RDH11: variants seen among roughly 807,000 people sequenced by gnomAD.
The protein encoded by RDH11 is HCV core-binding protein HCBP12.
In RDH11, 19 loss-of-function variants were observed where a neutral mutation model predicts 33.4. The ratio of observed to expected loss-of-function variants is 0.57; its 90% confidence interval spans 0.40 to 0.83. The LOEUF is 0.83. Ranked by LOEUF, RDH11 falls within the 40% of genes least tolerant of loss-of-function variation. The probability of loss-of-function intolerance (pLI) is 0.00; values close to 1 mark genes in which losing one functional copy is unlikely to be tolerated. For missense variants in RDH11, 353 were observed against 389.0 expected (o/e 0.91, Z 0.78); for synonymous variants, 154 against 155.3 (o/e 0.99, Z 0.06).
chr14:67,676,874 TTTTA>T lies in RDH11; in HGVS notation c.*1443_*1446del, dbSNP rs896846724. The T allele has an allele frequency of 6.6e-5, 10 of 152,352 alleles. No individual in the cohort carries two copies. Among genetic ancestry groups the T allele is most frequent in the Non-Finnish European group, 1.0e-4 (7 of 68,036 alleles). The allele number at this position is 152,352 out of a possible 1,614,324, so 9.4% of individuals were successfully genotyped here. A position where few individuals can be genotyped will look rare whatever the true frequency, so the allele number is the denominator to read the frequency against. ...AAAACAAAAAATAATCAAAAAGAAT[TTTTA>T]TTTGTCATTGACAGTTCAATATAAA... On this transcript the variant is annotated 3_prime_UTR_variant, in exon 7 of 7. Transcript: ENST00000381346.
In RDH11 at chr14:67,690,264, G is replaced by C; in HGVS notation, c.612C>G (p.His204Gln). The C allele has an allele frequency of 6.2e-7, 1 of 1,614,096 alleles. No homozygotes were observed. Among genetic ancestry groups the C allele is most frequent in the Non-Finnish European group, 8.5e-7 (1 of 1,180,026 alleles). The change falls in exon 5 of 7, where the codon CAC becomes CAG. Residue 204 changes from histidine (H) to glutamine (Q), a missense_variant. Physicochemically the swap from His to Gln is conservative, Grantham distance 24. Transcript: ENST00000381346. ...TGAAGAGGATGTTGGCTAGCTTGCT[G>C]TGACAGTAGGCCAGGCCTGCATTGT... Reference protein sequence around the residue: ...KFYNAGLAYCHSKLANILFTQ... With the variant: ...KFYNAGLAYCQSKLANILFTQ...
rs2140083838 is a variant in RDH11, at chr14:67,692,959, C to T, written c.168G>A (p.Glu56=). 6.2e-7 allele frequency: 1 copy of T among 1,613,906 alleles called. No individual in the cohort carries two copies. The highest frequency in any genetic ancestry group is 1.3e-5 in the African/African-American group (1 of 75,014). The change falls in exon 2 of 7, where the codon GAG becomes GAA. Residue 56 remains glutamate, a synonymous_variant. Coordinates refer to ENST00000381346, the MANE Select transcript of RDH11 (RefSeq NM_016026.4). ...CTCTCTGAGCCAGCTCTTTGGCTGT[C>T]TCCTTCCCGATACCTGTATTAGCTC... is the stretch of plus-strand genomic sequence containing the variant. ...VTGANTGIGK[E]TAKELAQRGA...
In RDH11 at chr14:67,692,996, A is replaced by G. The variant is rs1484056673; in HGVS notation, c.131T>C (p.Val44Ala). Reference protein sequence around the residue: ...TSTVQLPGKVVVVTGANTGIG... With the variant: ...TSTVQLPGKVAVVTGANTGIG... Reference sequence around the variant, plus strand: ...ACCTGTATTAGCTCCTGTGACCACAACTACTTTCCCAGGAAGCTGAACAGT... The same window carrying G: ...ACCTGTATTAGCTCCTGTGACCACAGCTACTTTCCCAGGAAGCTGAACAGT... Residue 44 changes from valine (V) to alanine (A), a missense_variant, in exon 2 of 7, where the codon GTT becomes GCT. Physicochemically the swap from Val to Ala is moderately conservative, Grantham distance 64. Coordinates refer to ENST00000381346, the MANE Select transcript of RDH11 (RefSeq NM_016026.4). 17 of 1,614,194 alleles carry G rather than the reference A, an allele frequency of 1.1e-5. No homozygotes were observed. Among genetic ancestry groups the G allele is most frequent in the Middle Eastern group, 1.6e-4 (1 of 6,062 alleles).
chr14:67,688,824 T>C (rs1404965380), intron 5 of RDH11, among the ~76,000 whole-genome samples: 1 of 152,168 alleles, frequency 6.6e-6, no homozygotes, highest in Non-Finnish European at 1.5e-5. Context: ...GCTAATTGTC[T>C]TTCTCCCCCG....
intron 6 of RDH11, among the ~76,000 whole-genome samples, chr14:67,683,592 C>A (rs531425404): frequency 6.6e-6 from 1 of 152,278 alleles, no homozygotes; most frequent in South Asian, 2.1e-4. Context: ...TAATAAAGTC[C>A]CTGTTTGCCT....
chr14:67,690,183 G>A (rs1462653327), intron 5 of RDH11, 29 bp downstream of exon 5: 1 of 1,592,466 alleles, frequency 6.3e-7, no homozygotes, highest in Non-Finnish European at 8.6e-7. Flanking sequence ...TCTGACTCAT[G>A]TCTCCACATT....
intron 1 of RDH11, among the ~76,000 whole-genome samples, chr14:67,694,302 T>C (rs1013337182): frequency 1.3e-5 from 2 of 151,568 alleles, no homozygotes; most frequent in African/African-American, 4.9e-5. Flanking sequence ...GCTCCAGGAG[T>C]GACAACTTAG....
chr14:67,691,854 AC>A (rs1471791439), intron 3 of RDH11: 1 of 154,710 alleles, frequency 6.5e-6, no homozygotes, highest in African/African-American at 2.4e-5. Flanking sequence ...ATAGAGTATT[AC>A]ACACACATAC....
At chr14:67,688,042 G>C (rs1191790104) in intron 5 of RDH11, among the ~76,000 whole-genome samples, 2 of 151,948 alleles carry the variant, frequency 1.3e-5, no homozygotes, top group Non-Finnish European at 2.9e-5. Context: ...CAAAGTGCTG[G>C]GATTACAGGT....
rs2037546640 is a variant in RDH11, at chr14:67,676,874, T to G, written c.*1447A>C. 6.6e-6 allele frequency: 1 copy of G among 152,234 alleles called. No homozygotes were observed. The highest frequency in any genetic ancestry group is 6.5e-5 in the Admixed American group (1 of 15,284). The allele number at this position is 152,234 out of a possible 1,614,324, so 9.4% of individuals were successfully genotyped here. A position where few individuals can be genotyped will look rare whatever the true frequency, so the allele number is the denominator to read the frequency against. On this transcript the variant is annotated 3_prime_UTR_variant, in exon 7 of 7. Transcript: ENST00000381346. Reference sequence around the variant, plus strand: ...AAAACAAAAAATAATCAAAAAGAATTTTTATTTGTCATTGACAGTTCAATA... The same window carrying G: ...AAAACAAAAAATAATCAAAAAGAATGTTTATTTGTCATTGACAGTTCAATA...
At chr14:67,692,068 A>C (rs960804538) in intron 3 of RDH11, 1 of 175,048 alleles carries the variant, frequency 5.7e-6, no homozygotes, top group African/African-American at 2.4e-5. Context: ...CCCTTTGTGA[A>C]TCTCAACTTT....
chr14:67,695,399 A>G (rs950369386), intron 1 of RDH11, among the ~76,000 whole-genome samples: 2 of 152,166 alleles, frequency 1.3e-5, no homozygotes, highest in Non-Finnish European at 2.9e-5. Flanking sequence ...AAAACAGGCC[A>G]GGGAAAAGCA....
At chr14:67,684,864 C>A in intron 6 of RDH11, 151 bp downstream of exon 6, 2 of 530,992 alleles carry the variant, frequency 3.8e-6, no homozygotes, top group Non-Finnish European at 6.5e-6. Flanking sequence ...AAAAGAGAGT[C>A]AAATTCCCCT....
Position 67,678,186 on chromosome 14 carries a change from C to T in RDH11, c.*135G>A. ...GGCAGTACACTGAGTTTTAACTGGA[C>T]ACCAAGCAGGCAAGGCTGGAAGGTT... On this transcript the variant is annotated 3_prime_UTR_variant, in exon 7 of 7. Transcript: ENST00000381346. 1.6e-6 allele frequency: 1 copy of T among 619,576 alleles called. No homozygotes were observed. The highest frequency in any genetic ancestry group is 2.9e-6 in the Non-Finnish European group (1 of 343,550). The allele number at this position is 619,576 out of a possible 1,614,324, so 38.4% of individuals were successfully genotyped here. A position where few individuals can be genotyped will look rare whatever the true frequency, so the allele number is the denominator to read the frequency against.
Position 67,690,287 on chromosome 14 carries a change from T to C in RDH11, c.589A>G (p.Asn197Asp). The C allele has an allele frequency of 6.2e-7, 1 of 1,614,180 alleles. No homozygotes were observed. Among genetic ancestry groups the C allele is most frequent in the Non-Finnish European group, 8.5e-7 (1 of 1,180,014 alleles). The stretch of plus-strand genomic sequence containing the variant: ...CTGTGACAGTAGGCCAGGCCTGCAT[T>C]GTAGAATTTCTCGCCCTGCAGGTTA... ...FHNLQGEKFY[N>D]AGLAYCHSKL... The change falls in exon 5 of 7, where the codon AAT becomes GAT. Residue 197 changes from asparagine to aspartate, a missense_variant. By Grantham distance (23) the Asn-to-Asp change is conservative. Transcript: ENST00000381346.
At chr14:67,693,649 C>T (rs1313518035) in intron 1 of RDH11, among the ~76,000 whole-genome samples, 37 of 148,496 alleles carry the variant, frequency 2.5e-4, no homozygotes, top group African/African-American at 8.7e-4. Flanking sequence ...CTTTCTCTTT[C>T]TCTTTTTTTT....
Position 67,690,276 on chromosome 14 carries a change from C to T in RDH11, c.600G>A (p.Leu200=). The T allele has an allele frequency of 6.2e-7, 1 of 1,614,122 alleles. No homozygotes were observed. ...TGGCTAGCTTGCTGTGACAGTAGGC[C>T]AGGCCTGCATTGTAGAATTTCTCGC... The part of the protein sequence containing the change: ...LQGEKFYNAG[L]AYCHSKLANI... Residue 200 remains leucine, a synonymous_variant, in exon 5 of 7, where the codon CTG becomes CTA. Transcript: ENST00000381346.
At chr14:67,687,348 CT>C (rs2037691079) in intron 5 of RDH11, among the ~76,000 whole-genome samples, 1 of 152,074 alleles carries the variant, frequency 6.6e-6, no homozygotes, top group Non-Finnish European at 1.5e-5. Context: ...CAGCTCAGAT[CT>C]TTATTACTCT....
intron 5 of RDH11, among the ~76,000 whole-genome samples, chr14:67,689,735 C>T (rs564363827): frequency 2.6e-5 from 4 of 152,208 alleles, no homozygotes; most frequent in South Asian, 2.1e-4. Context: ...CCTGAGGTCA[C>T]GAGTTCAAGA....
Sources: gnomAD v4.1 joint callset for allele counts (sites outside exome capture counted in the v4.1 genomes callset) on GRCh38, gnomAD v4.1.1 for gene constraint, MANE v1.5 for transcripts, NCBI Gene and HGNC (gene_info 2026-07-23, HGNC 2026-07-21) for gene names.